Variants in SPECC1 observed in about 807,000 individuals in gnomAD.
SPECC1 encodes the protein sperm antigen with calponin homology and coiled-coil domains 1, also known as cytospin-B.
A neutral mutation model predicts 104.1 loss-of-function variants in SPECC1; 62 were observed. The observed-to-expected ratio is 0.60, with a 90% CI of 0.49 to 0.74. SPECC1 has a LOEUF of 0.74. SPECC1 is among the 30% of genes least tolerant of loss of function. The pLI is 0.00. For synonymous variants in SPECC1, 513 were observed against 501.6 expected (o/e 1.02, Z -0.30); for missense variants, 1,306 against 1,310.5 (o/e 1.00, Z 0.05).
chr17:20,096,792 C>CA lies in SPECC1; in HGVS notation c.142dup (p.Ser48LysfsTer9). 1 of 1,613,412 alleles carries CA rather than the reference C, an allele frequency of 6.2e-7. No individual in the cohort carries two copies. Among genetic ancestry groups the CA allele is most frequent in the African/African-American group, 1.3e-5 (1 of 75,018 alleles). ...CTTCCTTGGCTTTTGAGTCCCGACTCAGCAGGGTATGGATCAAAATGCACA... is the reference window on the plus strand; with the variant it reads ...CTTCCTTGGCTTTTGAGTCCCGACTCAAGCAGGGTATGGATCAAAATGCACA... On this transcript the variant is annotated frameshift_variant, in exon 2 of 15. Coordinates refer to ENST00000395527, the MANE Select transcript of SPECC1 (RefSeq NM_001243439.2). LOFTEE classifies it high-confidence loss of function.
At chr17:20,112,287 G>C (rs7216599) in intron 3 of SPECC1, 411,054 of 760,024 alleles carry the variant, frequency 0.54, 115,637 homozygotes, top group Non-Finnish European at 0.6. Context: ...GTGTCATGGA[G>C]AGCTTATTGT....
At position 20,051,051 on chromosome 17, in the gene SPECC1, T is replaced by C. The variant is rs74737710; in HGVS notation, c.-22+41627T>C. 2.9e-5 allele frequency among the ~76,000 whole-genome samples: 4 copies of C among 138,884 alleles called. No individual in the cohort carries two copies. In the Admixed American group the frequency reaches 3.0e-4, roughly 10 times the overall value. 91.1% of individuals were successfully genotyped at this position (138,884 alleles called of 152,430 possible). On this transcript the variant is annotated intron_variant, in intron 1 of 14. Transcript: ENST00000395527. ...TAGGTCCCAAATAAGCACTTGGTTCTTTCTTTCTTTCTTTCTTTTTCTTTC... is the reference window on the plus strand; with the variant it reads ...TAGGTCCCAAATAAGCACTTGGTTCCTTCTTTCTTTCTTTCTTTTTCTTTC...
At chr17:20,039,648 G>A (rs1179171879) in intron 1 of SPECC1, among the ~76,000 whole-genome samples, 1 of 152,046 alleles carries the variant, frequency 6.6e-6, no homozygotes, top group Non-Finnish European at 1.5e-5. Flanking sequence ...TCTGCTGCCC[G>A]GGTTCAAGCA....
At chr17:20,215,548 A>G (rs1207505304) in intron 4 of SPECC1, among the ~76,000 whole-genome samples, 1 of 152,232 alleles carries the variant, frequency 6.6e-6, no homozygotes, top group Non-Finnish European at 1.5e-5. Flanking sequence ...AACTTATTAT[A>G]GTGATCTCAT....
intron 1 of SPECC1, among the ~76,000 whole-genome samples, chr17:20,052,514 G>A (rs1335975913): frequency 6.6e-6 from 1 of 152,142 alleles, no homozygotes; most frequent in Non-Finnish European, 1.5e-5. Flanking sequence ...ACAGACTCTG[G>A]TTCAAAGATA....
At chr17:20,277,146 A>G (rs1043543716) in intron 12 of SPECC1, among the ~76,000 whole-genome samples, 1 of 152,234 alleles carries the variant, frequency 6.6e-6, no homozygotes, top group Non-Finnish European at 1.5e-5. Flanking sequence ...GATCCAGACC[A>G]GTGTCTCATG....
intron 3 of SPECC1, among the ~76,000 whole-genome samples, chr17:20,200,444 G>A (rs2036344528): frequency 6.7e-6 from 1 of 149,258 alleles, no homozygotes; most frequent in South Asian, 2.1e-4. Context: ...TTAACTTCTT[G>A]GAATCAGCCA....
intron 7 of SPECC1, among the ~76,000 whole-genome samples, chr17:20,233,742 G>A (rs548510646): frequency 6.6e-6 from 1 of 152,286 alleles, no homozygotes; most frequent in East Asian, 1.9e-4. Flanking sequence ...AGGGAGAATA[G>A]GAAAACTAGG....
At chr17:20,055,878 A>G (rs987261443) in intron 1 of SPECC1, among the ~76,000 whole-genome samples, 1 of 152,130 alleles carries the variant, frequency 6.6e-6, no homozygotes, top group Admixed American at 6.5e-5. Flanking sequence ...GCTTGTGCTC[A>G]GCTGTTTCAG....
chr17:20,216,903 G>A (rs2037526712), intron 4 of SPECC1, among the ~76,000 whole-genome samples: 1 of 152,074 alleles, frequency 6.6e-6, no homozygotes, highest in South Asian at 2.1e-4. Flanking sequence ...TGGTCTCCCT[G>A]TAGTTCCAGC....
chr17:20,044,255 TA>T (rs34173912), intron 1 of SPECC1, among the ~76,000 whole-genome samples: 1 of 151,752 alleles, frequency 6.6e-6, no homozygotes, highest in African/African-American at 2.4e-5. Context: ...TTCAGCATGC[TA>T]AAAAAAAGGC....
chr17:20,300,438 G>A (rs1342681019), intron 13 of SPECC1, among the ~76,000 whole-genome samples: 1 of 152,246 alleles, frequency 6.6e-6, no homozygotes, highest in African/African-American at 2.4e-5. Flanking sequence ...AAAATAGTCA[G>A]AAGGCCTTTC....
At chr17:20,130,133 T>G (rs12936443) in intron 3 of SPECC1, among the ~76,000 whole-genome samples, 86,711 of 152,118 alleles carry the variant, frequency 0.57, 25,342 homozygotes, top group Middle Eastern at 0.63. Context: ...TTAAGTGTGT[T>G]ATTCATTTTT....
At chr17:20,077,969 T>C (rs752507081) in intron 1 of SPECC1, among the ~76,000 whole-genome samples, 2 of 151,816 alleles carry the variant, frequency 1.3e-5, no homozygotes, top group Non-Finnish European at 2.9e-5. Context: ...AAACAAAAGC[T>C]AAATTAAAAC....
At chr17:20,031,105 G>A (rs577122960) in intron 1 of SPECC1, among the ~76,000 whole-genome samples, 7 of 151,958 alleles carry the variant, frequency 4.6e-5, no homozygotes, top group Admixed American at 1.3e-4. Context: ...AGCAATTCTC[G>A]TGTCTCAGTC....
At chr17:20,106,171 CAA>C (rs765325398) in intron 2 of SPECC1, among the ~76,000 whole-genome samples, 134 of 152,220 alleles carry the variant, frequency 8.8e-4, no homozygotes, top group Admixed American at 2.6e-3. Flanking sequence ...AGGGAGTTTT[CAA>C]AGTTTCAAAC....
intron 1 of SPECC1, chr17:20,010,021 C>G (rs888186849): frequency 6.6e-6 from 1 of 152,162 alleles, no homozygotes; most frequent in East Asian, 1.9e-4. Flanking sequence ...CGCAGTGCAC[C>G]TGGAAGGCCC....
At chr17:20,099,586 T>G (rs1006259028) in intron 2 of SPECC1, among the ~76,000 whole-genome samples, 2 of 147,794 alleles carry the variant, frequency 1.4e-5, no homozygotes, top group South Asian at 4.3e-4. Flanking sequence ...TCCCAGCTAC[T>G]TGGGAGGCTG....
intron 12 of SPECC1, among the ~76,000 whole-genome samples, chr17:20,275,690 A>C (rs1016264760): frequency 6.6e-6 from 1 of 152,210 alleles, no homozygotes; most frequent in African/African-American, 2.4e-5. Context: ...GTCCTCTGAA[A>C]GGACTTGTTA....
Sources: allele counts gnomAD v4.1 joint callset (sites outside exome capture counted in the v4.1 genomes callset), GRCh38; gene constraint gnomAD v4.1.1; transcripts MANE v1.5; gene names NCBI Gene and HGNC (gene_info 2026-07-23, HGNC 2026-07-21).